The following ABCA12 variants were observed in gnomAD, a reference collection of about 807,000 sequenced individuals.
ABCA12 encodes ATP binding cassette subfamily A member 12.
Under a neutral mutation model 293.5 loss-of-function variants are expected in ABCA12, and 156 were observed. That is an observed-to-expected ratio of 0.53 (90% CI 0.47 to 0.61). ABCA12 has a LOEUF of 0.61. Ranked by LOEUF, ABCA12 falls within the 20% of genes least tolerant of loss-of-function variation. The pLI is 0.00. For synonymous variants in ABCA12, 1,063 were observed against 1,108.0 expected (o/e 0.96, Z 0.81); for missense variants, 2,797 against 3,090.2 (o/e 0.91, Z 2.25).
At chr2:215,026,702 TG>T in intron 10 of ABCA12, 117 bp downstream of exon 10, 1 of 844,480 alleles carries the variant, frequency 1.2e-6, no homozygotes, top group Non-Finnish European at 2.1e-6. Flanking sequence ...CTGATGCATA[TG>T]GAAACTAAGA....
rs748114163 is a variant in ABCA12 at position 214,990,831 on chromosome 2, G to A, written c.3495C>T (p.Ile1165=). The change falls in exon 24 of 53, where the codon ATC becomes ATT. Residue 1165 remains isoleucine (I), a synonymous_variant. Coordinates refer to ENST00000272895, the MANE Select transcript of ABCA12 (RefSeq NM_173076.3). The part of the protein sequence containing the change: ...SFSVIAMSYL[I]SVFFNNTNIA... ...TGTTGGTGTTGTTGAAGAAGACACT[G>A]ATAAGATAGCTCATGGCAATAACCG... is the stretch of plus-strand genomic sequence containing the variant. 6.2e-7 allele frequency: 1 copy of A among 1,614,080 alleles called. No homozygotes were observed. Among genetic ancestry groups the A allele is most frequent in the South Asian group, 1.1e-5 (1 of 91,074 alleles).
intron 7 of ABCA12, among the ~76,000 whole-genome samples, chr2:215,041,319 T>C (rs112762715): frequency 0.085 from 12,900 of 152,074 alleles, 1,543 homozygotes; most frequent in African/African-American, 0.27. Context: ...TTTGGGAGGC[T>C]GAGGCAGGCA....
At chr2:215,097,782 C>A (rs866183410) in intron 2 of ABCA12, among the ~76,000 whole-genome samples, 1 of 152,150 alleles carries the variant, frequency 6.6e-6, no homozygotes, top group African/African-American at 2.4e-5. Context: ...AAAGCCCTAA[C>A]GTTAAACCTG....
Position 214,966,888 on chromosome 2 carries a change from A to G in ABCA12, c.5844T>C (p.Leu1948=). Residue 1948 remains leucine (L), a synonymous_variant, in exon 39 of 53, where the codon CTT becomes CTC. Transcript: ENST00000272895. ...CGTATTTTGACATGTTAACTCGCAG[A>G]AGGAAATTATTCAGGCTGTTGAGGT... ...PAYLNSLNNF[L]LRVNMSKYDA... 1 of 1,613,904 alleles carries G rather than the reference A, an allele frequency of 6.2e-7. No individual in the cohort carries two copies. The highest frequency in any genetic ancestry group is 8.5e-7 in the Non-Finnish European group (1 of 1,179,822).
chr2:214,956,490 GTAT>G (rs35062977), intron 42 of ABCA12, among the ~76,000 whole-genome samples, 170 bp downstream of exon 42: 46,358 of 151,844 alleles, frequency 0.31, 8,466 homozygotes, highest in South Asian at 0.44. Context: ...ATTTTCAAAA[GTAT>G]TATACTTTGC....
intron 2 of ABCA12, among the ~76,000 whole-genome samples, chr2:215,085,901 T>C (rs1320162313): frequency 6.6e-6 from 1 of 152,172 alleles, no homozygotes; most frequent in Non-Finnish European, 1.5e-5. Flanking sequence ...ATTCCTAATA[T>C]AAATGAAAAA....
At chr2:215,118,770 G>A (rs183206425) in intron 1 of ABCA12, among the ~76,000 whole-genome samples, 20 of 152,286 alleles carry the variant, frequency 1.3e-4, no homozygotes, top group Admixed American at 5.2e-4. Context: ...TAGTGAGGAT[G>A]AGCATTCTTA....
chr2:214,952,423 G>A (rs898845258), intron 44 of ABCA12, among the ~76,000 whole-genome samples: 1 of 152,096 alleles, frequency 6.6e-6, no homozygotes, highest in South Asian at 2.1e-4. Flanking sequence ...GTTTCACCAT[G>A]TTGGCCAGGC....
intron 3 of ABCA12, among the ~76,000 whole-genome samples, chr2:215,055,120 C>T (rs1474324697): frequency 6.6e-6 from 1 of 152,038 alleles, no homozygotes; most frequent in Non-Finnish European, 1.5e-5. Context: ...ATTTTCAACA[C>T]AGGTTCAAGG....
chr2:214,970,140 G>A (rs1283988770), intron 37 of ABCA12, 133 bp downstream of exon 37: 1 of 873,038 alleles, frequency 1.1e-6, no homozygotes, highest in Non-Finnish European at 1.7e-6. Flanking sequence ...AATATATAAG[G>A]CTGTTTAAAT....
At chr2:215,014,355 CAA>C (rs60565150) in intron 15 of ABCA12, among the ~76,000 whole-genome samples, 29,644 of 145,744 alleles carry the variant, frequency 0.2, 6,263 homozygotes, top group African/African-American at 0.53. Flanking sequence ...TAAGCAAAGT[CAA>C]AAAAAAAAAT....
At chr2:214,954,708 GCTTCT>G (rs1698889567) in intron 43 of ABCA12, among the ~76,000 whole-genome samples, 1 of 152,058 alleles carries the variant, frequency 6.6e-6, no homozygotes, top group Non-Finnish European at 1.5e-5. Context: ...CACTGTTAGT[GCTTCT>G]CTTCTCACTA....
chr2:214,963,605 C>CAAAAAAAAA, intron 39 of ABCA12, among the ~76,000 whole-genome samples: 1 of 70,184 alleles, frequency 1.4e-5, no homozygotes, highest in Non-Finnish European at 2.7e-5. Context: ...GCAGAGATAC[C>CAAAAAAAAA]AAAAAAAAAA....
intron 51 of ABCA12, among the ~76,000 whole-genome samples, chr2:214,937,138 A>G (rs1698244816): frequency 6.6e-6 from 1 of 152,180 alleles, no homozygotes; most frequent in Non-Finnish European, 1.5e-5. Flanking sequence ...ATTACCATCA[A>G]AACTAGTGAA....
chr2:215,094,282 T>C (rs1444587350), intron 2 of ABCA12, among the ~76,000 whole-genome samples: 1 of 152,234 alleles, frequency 6.6e-6, no homozygotes, highest in Non-Finnish European at 1.5e-5. Context: ...GATGGAGTAC[T>C]TCACTGCAAA....
intron 1 of ABCA12, among the ~76,000 whole-genome samples, chr2:215,113,846 A>T (rs1449372191): frequency 6.6e-6 from 1 of 152,248 alleles, no homozygotes; most frequent in Non-Finnish European, 1.5e-5. Flanking sequence ...TTTAAAAATC[A>T]CATTAGAGTT....
chr2:214,945,681 C>G (rs1261974507), intron 48 of ABCA12, among the ~76,000 whole-genome samples: 1 of 152,078 alleles, frequency 6.6e-6, no homozygotes, highest in African/African-American at 2.4e-5. Context: ...ATCATTCAGA[C>G]AGAAAATGTA....
chr2:215,026,025 G>A (rs1394989792), intron 10 of ABCA12, among the ~76,000 whole-genome samples: 2 of 152,098 alleles, frequency 1.3e-5, no homozygotes, highest in Non-Finnish European at 2.9e-5. Context: ...CATAGTTTTG[G>A]CTCTTTGTGA....
chr2:214,974,402 ATCTT>A (rs964437606), intron 35 of ABCA12, among the ~76,000 whole-genome samples: 1 of 152,202 alleles, frequency 6.6e-6, no homozygotes, highest in Non-Finnish European at 1.5e-5. Flanking sequence ...TATTAATACT[ATCTT>A]AGATGTTCAA....
Sources: gnomAD v4.1 joint callset for allele counts (sites outside exome capture counted in the v4.1 genomes callset) on GRCh38, gnomAD v4.1.1 for gene constraint, MANE v1.5 for transcripts, NCBI Gene and HGNC (gene_info 2026-07-23, HGNC 2026-07-21) for gene names.